PPCS: variants seen among roughly 807,000 people sequenced by gnomAD.
PPCS encodes phosphopantothenate--cysteine ligase.
A neutral mutation model predicts 24.6 loss-of-function variants in PPCS; 17 were observed. The observed-to-expected ratio is 0.69, with a 90% CI of 0.47 to 1.04. PPCS has a LOEUF of 1.04. Among genes scored for constraint, PPCS ranks in the 50% least tolerant of loss-of-function variants. The pLI, the probability that PPCS is intolerant of heterozygous loss-of-function variation, is 0.00. For missense variants in PPCS, 360 were observed against 402.8 expected, an observed-to-expected ratio of 0.89 and a Z score of 0.91; for synonymous variants, 190 against 168.3, an observed-to-expected ratio of 1.13 and a Z score of -1.00.
At chr1:42,465,916 C>G (rs1569659913), downstream of PPCS, among the ~76,000 whole-genome samples, 1 of 152,180 alleles carries the variant, frequency 6.6e-6, no homozygotes, top group Non-Finnish European at 1.5e-5. Flanking sequence ...TGTTCTGTCA[C>G]TCTTGCTTAG....
At chr1:42,468,677 C>T (rs776814405) in intron 2 of PPCS, 9 of 152,174 alleles carry the variant, frequency 5.9e-5, no homozygotes, top group Non-Finnish European at 7.3e-5. Flanking sequence ...TGGAGCATAG[C>T]AGAGAGAGAT....
intron 2 of PPCS, chr1:42,467,855 A>G (rs1643639407): frequency 6.6e-6 from 1 of 152,244 alleles, no homozygotes; most frequent in African/African-American, 2.4e-5. Context: ...ATTTGAACTA[A>G]GAGATACAAA....
In PPCS at chr1:42,456,587, GCCGAGTT is replaced by G; in HGVS notation, c.25_31del (p.Glu9ProfsTer64). 1 of 1,498,164 alleles carries G rather than the reference GCCGAGTT, an allele frequency of 6.7e-7. No individual in the cohort carries two copies. The allele number at this position is 1,498,164 out of a possible 1,614,324, so 92.8% of individuals were successfully genotyped here. A position where few individuals can be genotyped will look rare whatever the true frequency, so the allele number is the denominator to read the frequency against. On this transcript the variant is annotated frameshift_variant, in exon 1 of 3. Coordinates refer to ENST00000372561, the MANE Select transcript of PPCS (RefSeq NM_024664.4). LOFTEE classifies it high-confidence loss of function. Reference sequence around the variant, plus strand: ...GCAGATGGCGGAAATGGATCCGGTAGCCGAGTTCCCCCAGCCTCCCGGTGCTGCGCGC... The same window carrying G: ...GCAGATGGCGGAAATGGATCCGGTAGCCCCCAGCCTCCCGGTGCTGCGCGC...
In PPCS at chr1:42,460,045, G is replaced by A. The variant is rs936617755; in HGVS notation, c.*119G>A. The A allele has an allele frequency of 3.5e-6, 5 of 1,430,800 alleles. No homozygotes were observed. The highest frequency in any genetic ancestry group is 4.6e-6 in the Non-Finnish European group (5 of 1,097,460). 88.6% of individuals were successfully genotyped at this position (1,430,800 alleles called of 1,614,324 possible). ...AATGAAAGAAAGGGAAAAGGCAGTG[G>A]TGTGTAGGCAAATATGGTTTGGCAT... On this transcript the variant is annotated 3_prime_UTR_variant, in exon 3 of 3. Transcript: ENST00000372561.
chr1:42,466,071 T>C (rs945224686), downstream of PPCS, among the ~76,000 whole-genome samples: 2 of 152,228 alleles, frequency 1.3e-5, no homozygotes, highest in Non-Finnish European at 2.9e-5. Flanking sequence ...GTGCATAATA[T>C]GTATTTTATT....
chr1:42,457,288 T>A lies in PPCS; in HGVS notation c.550T>A (p.Phe184Ile). ...TTACCTGGCTGCGGCTGTGTCAGAT[T>A]TCTATGTTCCTGTCTCTGAAATGCC... The part of the protein sequence containing the change: ...MFYLAAAVSD[F>I]YVPVSEMPEH... Residue 184 changes from phenylalanine to isoleucine, a missense_variant, in exon 2 of 3, where the codon TTC becomes ATC. Phe to Ile is a conservative substitution (Grantham distance 21, BLOSUM62 0). Transcript: ENST00000372561. 6.2e-7 allele frequency: 1 copy of A among 1,614,192 alleles called. No homozygotes were observed. The highest frequency in any genetic ancestry group is 2.2e-5 in the East Asian group (1 of 44,880).
intron 1 of PPCS, 23 bp from the exon 2 acceptor site, chr1:42,457,224 A>G (rs1643239224): frequency 6.2e-7 from 1 of 1,613,480 alleles, no homozygotes; most frequent in Non-Finnish European, 8.5e-7. Context: ...CGATTTGTTA[A>G]CACCTTGTGT....
chr1:42,469,117 G>A (rs1643682826), intron 2 of PPCS, among the ~76,000 whole-genome samples: 2 of 152,082 alleles, frequency 1.3e-5, no homozygotes, highest in Non-Finnish European at 2.9e-5. Flanking sequence ...AGTGGCTCAC[G>A]CCTGTAATCC....
At chr1:42,457,409 C>T (rs759664140) in intron 2 of PPCS, 59 bp downstream of exon 2, 54 of 1,454,970 alleles carry the variant, frequency 3.7e-5, no homozygotes, top group Non-Finnish European at 4.6e-5. Flanking sequence ...GGGTTAATTT[C>T]CTCTTGATCT....
At chr1:42,462,389 TG>T (rs1643435871), downstream of PPCS, among the ~76,000 whole-genome samples, 1 of 152,180 alleles carries the variant, frequency 6.6e-6, no homozygotes, top group African/African-American at 2.4e-5. Context: ...GGGCTACAAG[TG>T]CTGGTGGTGA....
chr1:42,473,011 A>G, intron 2 of PPCS: 1 of 1,001,142 alleles, frequency 1.0e-6, no homozygotes. Context: ...CTAGTACCCT[A>G]AAGACTAGTA....
rs139141150 is a variant in PPCS, at chr1:42,466,992, C to T, written n.378-6130C>T. Among the ~76,000 whole-genome samples the T allele has an allele frequency of 3.9e-3, 588 of 152,170 alleles. 1 individual carries two copies. Among genetic ancestry groups the T allele is most frequent in the African/African-American group, 0.012 (517 of 41,498 alleles). Reference sequence around the variant, plus strand: ...GTTAATCATCAGGTCTCAATAAATCCACTGGGAAAATGTTTGTTTGGGGAT... The same window carrying T: ...GTTAATCATCAGGTCTCAATAAATCTACTGGGAAAATGTTTGTTTGGGGAT... On this transcript the variant is annotated intron_variant and non_coding_transcript_variant, in intron 2 of 2. Transcript: ENST00000471420.
chr1:42,461,585 C>T (rs537581272), downstream of PPCS, among the ~76,000 whole-genome samples: 3 of 147,936 alleles, frequency 2.0e-5, no homozygotes, highest in East Asian at 4.0e-4. Context: ...CTTGCTCTGT[C>T]GTCCTGGGTG....
chr1:42,468,417 C>T (rs1047004452), intron 2 of PPCS, among the ~76,000 whole-genome samples: 2 of 151,906 alleles, frequency 1.3e-5, no homozygotes, highest in Admixed American at 1.3e-4. Context: ...GGGGGCATCA[C>T]ATTCCTTAAG....
chr1:42,472,836 A>G (rs1333124656), intron 2 of PPCS, among the ~76,000 whole-genome samples: 2 of 152,208 alleles, frequency 1.3e-5, no homozygotes, highest in African/African-American at 4.8e-5. Flanking sequence ...TCATATATAC[A>G]TAGACTTCTT....
At chr1:42,464,824 G>T (rs1643517296), downstream of PPCS, among the ~76,000 whole-genome samples, 1 of 152,210 alleles carries the variant, frequency 6.6e-6, no homozygotes, top group South Asian at 2.1e-4. Context: ...GGGCTACAAT[G>T]ATTTGGATAT....
chr1:42,470,025 A>C (rs141033023), intron 2 of PPCS, among the ~76,000 whole-genome samples: 44 of 152,302 alleles, frequency 2.9e-4, no homozygotes, highest in Non-Finnish European at 3.5e-4. Context: ...GCAACCTAAA[A>C]TAGGTGGATA....
In PPCS at chr1:42,459,618, G is replaced by A. The variant is rs1643350131; in HGVS notation, c.628G>A (p.Val210Met). ...TCCAATACAGATAACAATGAAGATGGTGCCAAAACTGCTTTCTCCTTTGGT... is the reference window on the plus strand; with the variant it reads ...TCCAATACAGATAACAATGAAGATGATGCCAAAACTGCTTTCTCCTTTGGT... ...GGPLQITMKM[V>M]PKLLSPLVKD... The change falls in exon 3 of 3, where the codon GTG becomes ATG. Residue 210 changes from valine (V) to methionine (M), a missense_variant. Coordinates refer to ENST00000372561, the MANE Select transcript of PPCS (RefSeq NM_024664.4). The A allele has an allele frequency of 6.2e-7, 1 of 1,613,344 alleles. No individual in the cohort carries two copies. Among genetic ancestry groups the A allele is most frequent in the Non-Finnish European group, 8.5e-7 (1 of 1,179,624 alleles).
chr1:42,456,457 G>T (rs543184539), upstream of PPCS: 26 of 1,167,492 alleles, frequency 2.2e-5, no homozygotes, highest in East Asian at 6.7e-4. Context: ...TCAAAAGAAG[G>T]GTAGTGAACC....
Sources: gnomAD v4.1 joint callset for allele counts (sites outside exome capture counted in the v4.1 genomes callset) on GRCh38, gnomAD v4.1.1 for gene constraint, MANE v1.5 for transcripts, NCBI Gene and HGNC (gene_info 2026-07-23, HGNC 2026-07-21) for gene names.